Variants in CLASP2 observed in about 807,000 individuals in gnomAD.
The protein encoded by CLASP2 is cytoplasmic linker associated protein 2.
CLASP2 carries 47 observed loss-of-function variants against 194.4 expected under a neutral mutation model. The observed-to-expected ratio is 0.24, with a 90% CI of 0.19 to 0.31. The LOEUF is 0.31. CLASP2 is among the 10% of genes least tolerant of loss of function. The pLI is 1.00. For missense variants in CLASP2, 1,445 were observed against 1,823.6 expected (o/e 0.79, Z 3.78); for synonymous variants, 619 against 633.5 (o/e 0.98, Z 0.34).
At chr3:33,613,753 G>A (rs1402711418) in intron 12 of CLASP2, among the ~76,000 whole-genome samples, 1 of 152,140 alleles carries the variant, frequency 6.6e-6, no homozygotes. Context: ...TACTACGGAG[G>A]TAAAACCCAT....
intron 7 of CLASP2, among the ~76,000 whole-genome samples, chr3:33,657,101 G>A (rs190038176): frequency 5.9e-5 from 9 of 152,050 alleles, no homozygotes; most frequent in East Asian, 1.9e-4. Flanking sequence ...TTGTATATTC[G>A]TAAATAAACA....
intron 30 of CLASP2, among the ~76,000 whole-genome samples, chr3:33,545,988 T>C (rs2059102290): frequency 6.6e-6 from 1 of 152,124 alleles, no homozygotes; most frequent in South Asian, 2.1e-4. Flanking sequence ...ATACTCTGGG[T>C]ATCTAACATG....
rs2045865264 is a variant in CLASP2 at position 33,496,942 on chromosome 3, A to G, written c.*1689T>C. ...TACAAGACCGTCTAAAGTTAAAATA[A>G]AACTGAGTGACTTGTTACACAGTGA... On this transcript the variant is annotated 3_prime_UTR_variant, in exon 39 of 39. Coordinates refer to ENST00000682230, the MANE Select transcript of CLASP2 (RefSeq NM_001365631.1). The G allele has an allele frequency of 6.5e-6, 1 of 152,770 alleles. No homozygotes were observed. The highest frequency in any genetic ancestry group is 1.9e-4 in the East Asian group (1 of 5,190). The allele number at this position is 152,770 out of a possible 1,614,324, so 9.5% of individuals were successfully genotyped here. A position where few individuals can be genotyped will look rare whatever the true frequency, so the allele number is the denominator to read the frequency against.
chr3:33,658,031 A>G (rs535591418), intron 7 of CLASP2, among the ~76,000 whole-genome samples: 24 of 152,168 alleles, frequency 1.6e-4, no homozygotes, highest in Non-Finnish European at 2.5e-4. Flanking sequence ...CCCTTCATAC[A>G]TATCTGTGAT....
At chr3:33,507,900 C>T (rs1008115744) in intron 37 of CLASP2, among the ~76,000 whole-genome samples, 1 of 151,714 alleles carries the variant, frequency 6.6e-6, no homozygotes, top group African/African-American at 2.4e-5. Context: ...TTTTACCTAA[C>T]GATGTTGGTG....
chr3:33,716,925 C>A (rs992316350), intron 1 of CLASP2, among the ~76,000 whole-genome samples: 3 of 152,178 alleles, frequency 2.0e-5, no homozygotes, highest in African/African-American at 7.2e-5. Flanking sequence ...TCACTTCATC[C>A]ATGGGAAGCT....
chr3:33,655,935 C>T (rs911208613), intron 7 of CLASP2, among the ~76,000 whole-genome samples: 3 of 152,132 alleles, frequency 2.0e-5, no homozygotes, highest in African/African-American at 7.2e-5. Flanking sequence ...TTCTTTCCAG[C>T]CACTCTGCAG....
intron 8 of CLASP2, among the ~76,000 whole-genome samples, chr3:33,636,241 G>C (rs956587800): frequency 2.0e-5 from 3 of 152,096 alleles, no homozygotes; most frequent in African/African-American, 4.8e-5. Flanking sequence ...CAACAGAAGA[G>C]GGCCCTCTTA....
intron 23 of CLASP2, among the ~76,000 whole-genome samples, chr3:33,580,786 C>T (rs370839427): frequency 2.6e-5 from 4 of 151,862 alleles, no homozygotes; most frequent in South Asian, 2.1e-4. Context: ...GGGGCCGAGG[C>T]GGGCGGATCA....
chr3:33,585,362 T>C (rs1048824009), intron 21 of CLASP2, among the ~76,000 whole-genome samples: 6 of 152,208 alleles, frequency 3.9e-5, no homozygotes, highest in African/African-American at 1.4e-4. Flanking sequence ...GATTTTATCA[T>C]TGTGTGAACA....
At chr3:33,518,270 A>G (rs1277151456) in intron 34 of CLASP2, among the ~76,000 whole-genome samples, 1 of 152,224 alleles carries the variant, frequency 6.6e-6, no homozygotes, top group Middle Eastern at 3.2e-3. Flanking sequence ...AACCATGAAA[A>G]GTCACTCACT....
chr3:33,662,298 C>A (rs572158688), intron 7 of CLASP2, among the ~76,000 whole-genome samples: 93 of 152,276 alleles, frequency 6.1e-4, no homozygotes, highest in African/African-American at 2.1e-3. Flanking sequence ...GTCTGAAATA[C>A]ACAAACGATC....
intron 29 of CLASP2, among the ~76,000 whole-genome samples, chr3:33,557,335 T>C (rs2061135121): frequency 1.3e-5 from 2 of 151,892 alleles, no homozygotes; most frequent in South Asian, 4.2e-4. Flanking sequence ...AACATCTCTA[T>C]ATATATTATC....
chr3:33,595,096 G>A, intron 19 of CLASP2, 128 bp from the exon 20 acceptor site: 1 of 458,688 alleles, frequency 2.2e-6, no homozygotes, highest in Non-Finnish European at 3.7e-6. Context: ...TAGTCTGACA[G>A]CCTTAAATTA....
intron 2 of CLASP2, among the ~76,000 whole-genome samples, chr3:33,692,505 C>CT (rs1312012201): frequency 6.6e-6 from 1 of 152,158 alleles, no homozygotes; most frequent in African/African-American, 2.4e-5. Flanking sequence ...CACTGGATCG[C>CT]TTTTTAACAC....
chr3:33,663,505 T>C lies in CLASP2; in HGVS notation c.655A>G (p.Ile219Val). ...RGIPPARLEM[I>V]FAKFDEVQSS... is the part of the protein sequence containing the mutation. ...TGCACTTCATCAAATTTGGCAAATATCATTTCTAATCTGGGAATAAAGAAT... is the reference window on the plus strand; with the variant it reads ...TGCACTTCATCAAATTTGGCAAATACCATTTCTAATCTGGGAATAAAGAAT... Residue 219 changes from isoleucine to valine, a missense_variant, in exon 7 of 39, where the codon ATA becomes GTA. This residue lies in a region of CLASP2 where 332 missense variants were observed against 325.3 expected (regional missense o/e 1.02). Coordinates refer to ENST00000682230, the MANE Select transcript of CLASP2 (RefSeq NM_001365631.1). 6.2e-7 allele frequency: 1 copy of C among 1,609,392 alleles called. No individual in the cohort carries two copies. The highest frequency in any genetic ancestry group is 8.5e-7 in the Non-Finnish European group (1 of 1,176,248).
chr3:33,717,657 C>T, intron 1 of CLASP2, 151 bp downstream of exon 1: 3 of 817,132 alleles, frequency 3.7e-6, no homozygotes, highest in Non-Finnish European at 5.7e-6. Flanking sequence ...GAACTCCTGA[C>T]CTCGTGATCC....
intron 6 of CLASP2, among the ~76,000 whole-genome samples, chr3:33,679,280 C>G (rs898538538): frequency 4.6e-5 from 7 of 152,100 alleles, no homozygotes; most frequent in African/African-American, 1.7e-4. Context: ...AACTATGAAA[C>G]TATTAGAAGA....
chr3:33,716,593 T>C (rs1036000100), intron 1 of CLASP2, among the ~76,000 whole-genome samples: 5 of 152,234 alleles, frequency 3.3e-5, no homozygotes, highest in Admixed American at 2.6e-4. Context: ...TGTGAATATG[T>C]ATATGCCTTT....
Sources: allele counts gnomAD v4.1 joint callset (sites outside exome capture counted in the v4.1 genomes callset), GRCh38; gene constraint gnomAD v4.1.1; regional missense constraint gnomAD v4.1.1; transcripts MANE v1.5; gene names NCBI Gene and HGNC (gene_info 2026-07-23, HGNC 2026-07-21).